Variants in LRRTM3 observed in about 807,000 individuals in gnomAD.
LRRTM3 encodes the protein leucine-rich repeat transmembrane neuronal protein 3.
LRRTM3 carries 24 observed loss-of-function variants against 44.7 expected under a neutral mutation model. The observed-to-expected ratio is 0.54, with a 90% confidence interval of 0.39 to 0.76. The LOEUF (loss-of-function observed/expected upper bound fraction) is 0.76. LRRTM3 is among the 30% of genes least tolerant of loss of function. The pLI is 0.00. For synonymous variants in LRRTM3, 277 were observed against 278.7 expected (o/e 0.99, Z 0.06); for missense variants, 587 against 702.2 (o/e 0.84, Z 1.85).
At chr10:66,940,427 T>C (rs1721879516) in intron 2 of LRRTM3, among the ~76,000 whole-genome samples, 1 of 152,124 alleles carries the variant, frequency 6.6e-6, no homozygotes, top group Non-Finnish European at 1.5e-5. Flanking sequence ...TGAGCAACGA[T>C]TGCACCACTG....
At chr10:66,975,966 A>G (rs1850006156) in intron 2 of LRRTM3, among the ~76,000 whole-genome samples, 1 of 152,232 alleles carries the variant, frequency 6.6e-6, no homozygotes, top group Admixed American at 6.5e-5. Flanking sequence ...ACTGCTTAAC[A>G]TGCTACTGCA....
chr10:66,946,236 G>A (rs1848267939), intron 2 of LRRTM3, among the ~76,000 whole-genome samples: 1 of 152,034 alleles, frequency 6.6e-6, no homozygotes, highest in South Asian at 2.1e-4. Flanking sequence ...TAGAGAGGGA[G>A]AGAATTGGAA....
At chr10:67,074,802 A>C in intron 2 of LRRTM3, among the ~76,000 whole-genome samples, 1 of 150,572 alleles carries the variant, frequency 6.6e-6, no homozygotes, top group Middle Eastern at 3.4e-3. Flanking sequence ...AATATTATGA[A>C]CATAACATAA....
chr10:66,956,322 A>G (rs766735006), intron 2 of LRRTM3, among the ~76,000 whole-genome samples: 6 of 151,750 alleles, frequency 4.0e-5, no homozygotes, highest in Admixed American at 1.3e-4. Flanking sequence ...GAGTTTTGGG[A>G]GCAGAGGGGA....
At chr10:66,983,227 C>G (rs537936402) in intron 2 of LRRTM3, among the ~76,000 whole-genome samples, 1 of 152,282 alleles carries the variant, frequency 6.6e-6, no homozygotes, top group East Asian at 1.9e-4. Flanking sequence ...GAGGCTTTGG[C>G]TGCCACAGAT....
At chr10:66,973,664 C>T (rs572112311) in intron 2 of LRRTM3, among the ~76,000 whole-genome samples, 1 of 152,116 alleles carries the variant, frequency 6.6e-6, no homozygotes, top group Non-Finnish European at 1.5e-5. Context: ...CTCACTGTCA[C>T]CCCAGCTGGA....
intron 2 of LRRTM3, among the ~76,000 whole-genome samples, chr10:66,957,403 T>TAC (rs1199096293): frequency 1.3e-3 from 45 of 33,824 alleles, no homozygotes; most frequent in African/African-American, 0.013. Flanking sequence ...CATATATATA[T>TAC]ATATATATAT....
At chr10:66,963,685 G>T (rs1849246183) in intron 2 of LRRTM3, among the ~76,000 whole-genome samples, 1 of 151,926 alleles carries the variant, frequency 6.6e-6, no homozygotes, top group African/African-American at 2.4e-5. Flanking sequence ...TCGAAAACAG[G>T]TTCCAAAATA....
At chr10:67,046,196 T>G (rs1470720407) in intron 2 of LRRTM3, among the ~76,000 whole-genome samples, 1 of 152,240 alleles carries the variant, frequency 6.6e-6, no homozygotes, top group Non-Finnish European at 1.5e-5. Context: ...ACATAGTTAA[T>G]GGGGTTTCAA....
At chr10:67,004,328 C>T (rs1195791939) in intron 2 of LRRTM3, among the ~76,000 whole-genome samples, 1 of 152,156 alleles carries the variant, frequency 6.6e-6, no homozygotes, top group Non-Finnish European at 1.5e-5. Flanking sequence ...CACAAGCCAC[C>T]TATCAATATT....
At chr10:67,001,453 G>A (rs573052118) in intron 2 of LRRTM3, among the ~76,000 whole-genome samples, 2 of 151,978 alleles carry the variant, frequency 1.3e-5, no homozygotes, top group East Asian at 1.9e-4. Flanking sequence ...GACAGGGGTG[G>A]GGGACAGAAG....
chr10:67,010,742 C>G (rs1005700619), intron 2 of LRRTM3, among the ~76,000 whole-genome samples: 1 of 152,192 alleles, frequency 6.6e-6, no homozygotes, highest in African/African-American at 2.4e-5. Context: ...AGCCAACCAA[C>G]AATGTTTGCC....
intron 2 of LRRTM3, among the ~76,000 whole-genome samples, chr10:67,050,623 G>A (rs1301216994): frequency 6.6e-6 from 1 of 152,126 alleles, no homozygotes; most frequent in Non-Finnish European, 1.5e-5. Flanking sequence ...TCTTTGGTAC[G>A]CTGAGGCTGA....
At chr10:67,023,413 T>G (rs1348126638) in intron 2 of LRRTM3, among the ~76,000 whole-genome samples, 5 of 152,072 alleles carry the variant, frequency 3.3e-5, no homozygotes, top group Non-Finnish European at 7.4e-5. Context: ...CAGCAATAAT[T>G]CCAACCCCTG....
chr10:67,036,821 T>C (rs1488359707), intron 2 of LRRTM3, among the ~76,000 whole-genome samples: 1 of 151,832 alleles, frequency 6.6e-6, no homozygotes, highest in Non-Finnish European at 1.5e-5. Context: ...TAATTCTAAC[T>C]CTGGGAAATG....
intron 2 of LRRTM3, among the ~76,000 whole-genome samples, chr10:67,019,204 T>A (rs977551304): frequency 6.6e-6 from 1 of 152,210 alleles, no homozygotes; most frequent in Non-Finnish European, 1.5e-5. Flanking sequence ...CCACTTTTCT[T>A]TTTTTAATTT....
chr10:67,035,647 C>T (rs958897546), intron 2 of LRRTM3, among the ~76,000 whole-genome samples: 29 of 152,062 alleles, frequency 1.9e-4, no homozygotes, highest in East Asian at 1.9e-4. Context: ...CCAAGAAATG[C>T]TATCAGTTCA....
At chr10:66,999,527 T>C (rs1036446480) in intron 2 of LRRTM3, among the ~76,000 whole-genome samples, 2 of 152,188 alleles carry the variant, frequency 1.3e-5, no homozygotes, top group Non-Finnish European at 2.9e-5. Context: ...TCAATCACTA[T>C]TGTCTCTCTT....
At chr10:67,022,010 C>T (rs1435222351) in intron 2 of LRRTM3, among the ~76,000 whole-genome samples, 1 of 152,158 alleles carries the variant, frequency 6.6e-6, no homozygotes, top group African/African-American at 2.4e-5. Context: ...ATTGTTAAGT[C>T]GCAATAGACC....
Sources: gnomAD v4.1 joint callset for allele counts (sites outside exome capture counted in the v4.1 genomes callset) on GRCh38, gnomAD v4.1.1 for gene constraint, MANE v1.5 for transcripts, NCBI Gene and HGNC (gene_info 2026-07-23, HGNC 2026-07-21) for gene names.